The following ZYG11B variants were observed in gnomAD, a reference collection of about 807,000 sequenced individuals.
ZYG11B encodes the protein protein zyg-11 homolog B.
Under a neutral mutation model 82.4 loss-of-function variants are expected in ZYG11B, and 36 were observed. That is an observed-to-expected ratio of 0.44 (90% CI 0.33 to 0.58). ZYG11B has a LOEUF of 0.58. ZYG11B is among the 20% of genes least tolerant of loss of function. ZYG11B has a pLI of 0.02. For missense variants in ZYG11B, 552 were observed against 895.6 expected (o/e 0.62, Z 4.90); for synonymous variants, 303 against 312.8 (o/e 0.97, Z 0.33).
At position 52,816,569 on chromosome 1, in the gene ZYG11B, A is replaced by G. The variant is rs778415998; in HGVS notation, c.1984A>G (p.Thr662Ala). The change falls in exon 13 of 14, where the codon ACA (threonine) becomes GCA (alanine). Residue 662 changes from threonine (T) to alanine (A), a missense_variant. This residue lies in a region of ZYG11B where 127 missense variants were observed against 163.4 expected (regional missense o/e 0.78). Coordinates refer to ENST00000294353, the MANE Select transcript of ZYG11B (RefSeq NM_024646.3). ...NPFFPLLGCF[T>A]TPGVQLWAVW... Reference sequence around the variant, plus strand: ...ATTTTTCCCATTACTTGGCTGTTTCACAACACCAGGAGTTCAGCTATGGGC... The same window carrying G: ...ATTTTTCCCATTACTTGGCTGTTTCGCAACACCAGGAGTTCAGCTATGGGC... 2 of 1,613,182 alleles carry G rather than the reference A, an allele frequency of 1.2e-6. No homozygotes were observed. The highest frequency in any genetic ancestry group is 1.7e-6 in the Non-Finnish European group (2 of 1,179,844).
intron 2 of ZYG11B, among the ~76,000 whole-genome samples, chr1:52,760,112 C>T (rs563900597): frequency 2.6e-5 from 4 of 152,246 alleles, no homozygotes; most frequent in African/African-American, 7.2e-5. Context: ...GGATTACAGG[C>T]GTGAGCCAGT....
intron 3 of ZYG11B, among the ~76,000 whole-genome samples, chr1:52,776,227 A>ATATATATAT (rs1553260249): frequency 0.019 from 55 of 2,928 alleles, 3 homozygotes; most frequent in Non-Finnish European, 0.036. Flanking sequence ...CTTAAAAAAA[A>ATATATATAT]AAATATATAT....
chr1:52,800,424 AT>A (rs1396003461), intron 8 of ZYG11B, among the ~76,000 whole-genome samples: 1 of 152,078 alleles, frequency 6.6e-6, no homozygotes, highest in Non-Finnish European at 1.5e-5. Context: ...ATGACTTCTT[AT>A]TGCTATATAT....
intron 6 of ZYG11B, among the ~76,000 whole-genome samples, chr1:52,790,931 G>C (rs1644953821): frequency 6.6e-6 from 1 of 150,720 alleles, no homozygotes; most frequent in South Asian, 2.1e-4. Context: ...TAATTTTGGA[G>C]CTTAAATTTT....
In ZYG11B at chr1:52,790,003, T is replaced by C; in HGVS notation, c.1270T>C (p.Leu424=). The change falls in exon 6 of 14, where the codon TTA becomes CTA. Residue 424 remains leucine (L), a splice_region_variant and synonymous_variant. Transcript: ENST00000294353. ...TTTTTTTCTTCCTTTGATTCTTTAG[T>C]TACAGAAGAATTGCCTCCTTTCACT... The part of the protein sequence containing the change: ...AMEHFPNHQQ[L]QKNCLLSLCS... 1 of 1,578,446 alleles carries C rather than the reference T, an allele frequency of 6.3e-7. No homozygotes were observed. Among genetic ancestry groups the C allele is most frequent in the Non-Finnish European group, 8.6e-7 (1 of 1,159,212 alleles).
intron 2 of ZYG11B, among the ~76,000 whole-genome samples, chr1:52,765,622 C>G (rs983134626): frequency 6.6e-6 from 1 of 152,074 alleles, no homozygotes; most frequent in Admixed American, 6.6e-5. Context: ...CTCAGCCTCC[C>G]GACTAGCTAG....
At chr1:52,727,772 CT>C (rs1015480468) in intron 1 of ZYG11B, among the ~76,000 whole-genome samples, 25 of 152,082 alleles carry the variant, frequency 1.6e-4, no homozygotes, top group African/African-American at 6.0e-4. Context: ...TAGGTTGAGG[CT>C]TCAGTTGGTT....
At chr1:52,794,910 C>T (rs1644995481) in intron 6 of ZYG11B, among the ~76,000 whole-genome samples, 1 of 152,148 alleles carries the variant, frequency 6.6e-6, no homozygotes. Flanking sequence ...ACTGCAGTAG[C>T]CTCAGAACTG....
chr1:52,796,606 CG>C, intron 7 of ZYG11B, 127 bp from the exon 8 acceptor site: 2 of 905,642 alleles, frequency 2.2e-6, no homozygotes, highest in Non-Finnish European at 3.3e-6. Flanking sequence ...TCCCAAAAAC[CG>C]ATATGCAGCA....
At chr1:52,764,517 C>T (rs1004305004) in intron 2 of ZYG11B, among the ~76,000 whole-genome samples, 1 of 152,020 alleles carries the variant, frequency 6.6e-6, no homozygotes, top group Non-Finnish European at 1.5e-5. Flanking sequence ...TTAATTTGCT[C>T]TTTGACCCTG....
At chr1:52,821,386 T>C (rs1393128476) in intron 13 of ZYG11B, 53 bp from the exon 14 acceptor site, 10 of 1,499,888 alleles carry the variant, frequency 6.7e-6, no homozygotes, top group Non-Finnish European at 8.9e-6. Context: ...TTTTCAAGTG[T>C]TTTAAGAAAA....
chr1:52,774,754 C>G (rs1413663183), intron 3 of ZYG11B, among the ~76,000 whole-genome samples: 2 of 151,626 alleles, frequency 1.3e-5, no homozygotes, highest in Non-Finnish European at 2.9e-5. Context: ...GAATTTCCAG[C>G]TCTGTCATCA....
At chr1:52,732,095 G>A (rs1218834447) in intron 1 of ZYG11B, among the ~76,000 whole-genome samples, 1 of 152,176 alleles carries the variant, frequency 6.6e-6, no homozygotes, top group East Asian at 1.9e-4. Context: ...GAGCCATCGT[G>A]CCCAGCCTAT....
intron 3 of ZYG11B, among the ~76,000 whole-genome samples, chr1:52,776,335 A>C (rs1289900990): frequency 6.8e-6 from 1 of 146,912 alleles, no homozygotes; most frequent in Non-Finnish European, 1.5e-5. Context: ...GTTGGAGACC[A>C]GCCTAGCCAA....
At chr1:52,801,358 T>G (rs1054312337) in intron 8 of ZYG11B, among the ~76,000 whole-genome samples, 1 of 152,212 alleles carries the variant, frequency 6.6e-6, no homozygotes, top group Non-Finnish European at 1.5e-5. Context: ...TTTCTCTGAC[T>G]AAATTGACTA....
chr1:52,795,398 C>T (rs1273189662), intron 6 of ZYG11B, among the ~76,000 whole-genome samples: 5 of 152,080 alleles, frequency 3.3e-5, no homozygotes, highest in South Asian at 2.1e-4. Context: ...ATAAATTACC[C>T]GGTCTCAGGT....
intron 4 of ZYG11B, among the ~76,000 whole-genome samples, chr1:52,783,971 T>C (rs572095732): frequency 1.1e-3 from 61 of 54,532 alleles, no homozygotes; most frequent in African/African-American, 5.7e-3. Context: ...TACACACATA[T>C]ACACACACAC....
intron 2 of ZYG11B, among the ~76,000 whole-genome samples, chr1:52,768,947 C>A (rs569541597): frequency 9.9e-5 from 15 of 152,274 alleles, no homozygotes; most frequent in African/African-American, 3.1e-4. Context: ...AAAGGCCTTA[C>A]TCAAAGATCA....
At chr1:52,761,864 C>T (rs573366907) in intron 2 of ZYG11B, among the ~76,000 whole-genome samples, 9 of 152,166 alleles carry the variant, frequency 5.9e-5, no homozygotes, top group Non-Finnish European at 1.2e-4. Context: ...TGTTAATAGC[C>T]ATCCTGAGGT....
Sources: gnomAD v4.1 joint callset for allele counts (sites outside exome capture counted in the v4.1 genomes callset) on GRCh38, gnomAD v4.1.1 for gene constraint, gnomAD v4.1.1 regional missense constraint, MANE v1.5 for transcripts, NCBI Gene and HGNC (gene_info 2026-07-23, HGNC 2026-07-21) for gene names.